The following PALLD variants were observed in gnomAD, a reference collection of about 807,000 sequenced individuals.
PALLD encodes the protein palladin, cytoskeletal associated protein.
PALLD carries 61 observed loss-of-function variants against 123.5 expected under a neutral mutation model. The observed-to-expected ratio is 0.49, with a 90% CI of 0.40 to 0.61. PALLD has a LOEUF of 0.61. Ranked by LOEUF, PALLD falls within the 20% of genes least tolerant of loss-of-function variation. The pLI, the probability that PALLD is intolerant of heterozygous loss-of-function variation, is 0.00. For missense variants in PALLD, 1,273 were observed against 1,377.0 expected (o/e 0.92, Z 1.20); for synonymous variants, 465 against 496.4 (o/e 0.94, Z 0.84).
At chr4:168,712,717 A>G (rs1005105811) in intron 10 of PALLD, among the ~76,000 whole-genome samples, 5 of 152,148 alleles carry the variant, frequency 3.3e-5, no homozygotes, top group African/African-American at 1.2e-4. Flanking sequence ...GTCATAGTGA[A>G]TGTGTATGTA....
intron 2 of PALLD, among the ~76,000 whole-genome samples, chr4:168,605,065 G>A (rs1340621145): frequency 1.3e-5 from 2 of 152,050 alleles, no homozygotes; most frequent in Non-Finnish European, 2.9e-5. Flanking sequence ...AATATAAACT[G>A]CCCCTCTGGT....
Position 168,898,656 on chromosome 4 carries a change from T to A in PALLD, c.2414T>A (p.Ile805Asn). 1 of 1,614,154 alleles carries A rather than the reference T, an allele frequency of 6.2e-7. No homozygotes were observed. The highest frequency in any genetic ancestry group is 8.5e-7 in the Non-Finnish European group (1 of 1,180,020). Residue 805 changes from isoleucine (I) to asparagine (N), a missense_variant, in exon 14 of 22, where the codon ATC becomes AAC. By Grantham distance (149) the Ile-to-Asn change is moderately radical. Coordinates refer to ENST00000505667, the MANE Select transcript of PALLD (RefSeq NM_001166108.2). ...GAGATGAAGCTGAAACATTACAAGA[T>A]CTTTGAGGGAATGCCAGTAACTTTC... ...FFEMKLKHYK[I>N]FEGMPVTFTC...
chr4:168,670,821 C>T (rs1780190388), intron 3 of PALLD, among the ~76,000 whole-genome samples: 1 of 147,516 alleles, frequency 6.8e-6, no homozygotes, highest in African/African-American at 2.5e-5. Flanking sequence ...TGCAATGGCT[C>T]ACACCTGTAA....
At chr4:168,523,173 A>C (rs1462601507) in intron 2 of PALLD, among the ~76,000 whole-genome samples, 1 of 145,788 alleles carries the variant, frequency 6.9e-6, no homozygotes, top group East Asian at 2.2e-4. Context: ...GTCTAGGGAA[A>C]TGAATTTCCA....
chr4:168,871,818 G>A (rs1751113824), intron 10 of PALLD, among the ~76,000 whole-genome samples: 1 of 152,194 alleles, frequency 6.6e-6, no homozygotes, highest in Admixed American at 6.5e-5. Flanking sequence ...CACTGGCAAA[G>A]CCTGTCCCTT....
chr4:168,536,552 A>G (rs371684754), intron 2 of PALLD: 4 of 152,368 alleles, frequency 2.6e-5, no homozygotes, highest in South Asian at 4.1e-4. Flanking sequence ...ACTTACAATT[A>G]TGGCGGAAGG....
At chr4:168,699,182 G>A (rs886675758) in intron 8 of PALLD, among the ~76,000 whole-genome samples, 5 of 152,110 alleles carry the variant, frequency 3.3e-5, no homozygotes, top group Non-Finnish European at 5.9e-5. Context: ...AGGTTCAAGT[G>A]ATTCTCCTGC....
At chr4:168,833,436 T>C (rs1744628363) in intron 10 of PALLD, among the ~76,000 whole-genome samples, 1 of 152,110 alleles carries the variant, frequency 6.6e-6, no homozygotes, top group South Asian at 2.1e-4. Flanking sequence ...TGACTGGCTC[T>C]ACATTTTAAT....
chr4:168,844,641 A>T lies in PALLD; in HGVS notation c.1965-46281A>T, dbSNP rs1439569167. ...ATTAGAATATATGAGGTGGAAAAAA[A>T]AGTTGTGCAACAGGAGATTGGACTC... On this transcript the variant is annotated intron_variant, in intron 10 of 21. Transcript: ENST00000505667. This position sits in a 1 kb window ranked among gnomAD's most constrained non-coding sequence, Gnocchi z 4.5. The T allele has an allele frequency of 1.3e-5, 2 of 152,218 alleles. No homozygotes were observed. The highest frequency in any genetic ancestry group is 2.9e-5 in the Non-Finnish European group (2 of 68,036). The allele number at this position is 152,218 out of a possible 1,614,324, so 9.4% of individuals were successfully genotyped here. A position where few individuals can be genotyped will look rare whatever the true frequency, so the allele number is the denominator to read the frequency against.
At chr4:168,894,855 T>C in intron 12 of PALLD, 178 bp downstream of exon 12, 2 of 941,496 alleles carry the variant, frequency 2.1e-6, no homozygotes, top group Non-Finnish European at 3.1e-6. Context: ...CATACTATGT[T>C]AAGTGACTGA....
intron 10 of PALLD, chr4:168,878,104 G>A: frequency 6.9e-7 from 1 of 1,446,720 alleles, no homozygotes; most frequent in South Asian, 1.4e-5. Context: ...CCTTCGCGCA[G>A]CCCTTCGGCG....
chr4:168,897,814 A>C (rs1048584013), intron 13 of PALLD, among the ~76,000 whole-genome samples: 2 of 151,068 alleles, frequency 1.3e-5, no homozygotes, highest in African/African-American at 4.9e-5. Context: ...AGGAATGTTG[A>C]TGGGTTGTTT....
intron 2 of PALLD, among the ~76,000 whole-genome samples, chr4:168,601,732 C>T (rs1184973013): frequency 6.6e-6 from 1 of 152,140 alleles, no homozygotes; most frequent in Non-Finnish European, 1.5e-5. Flanking sequence ...TCAGCAATTG[C>T]ACAGCTTGAT....
chr4:168,878,346 C>G lies in PALLD; in HGVS notation c.1965-12576C>G, dbSNP rs1028296583. The G allele has an allele frequency of 2.0e-6, 3 of 1,519,752 alleles. No homozygotes were observed. The highest frequency in any genetic ancestry group is 2.6e-6 in the Non-Finnish European group (3 of 1,140,360). The allele number at this position is 1,519,752 out of a possible 1,614,324, so 94.1% of individuals were successfully genotyped here. A position where few individuals can be genotyped will look rare whatever the true frequency, so the allele number is the denominator to read the frequency against. On this transcript the variant is annotated intron_variant, in intron 10 of 21. Transcript: ENST00000505667. ...AGCGCTCTGCTGCCCTCGCAGCCGC[C>G]GCCGGCGGCCGTCAACGCCCTGGGG...
chr4:168,774,634 A>G (rs1051224472), intron 10 of PALLD, among the ~76,000 whole-genome samples: 4 of 147,172 alleles, frequency 2.7e-5, no homozygotes, highest in Non-Finnish European at 5.9e-5. Flanking sequence ...GCACTAAGGC[A>G]TGAGAATTGC....
chr4:168,525,867 T>C (rs1388008382), intron 2 of PALLD, among the ~76,000 whole-genome samples: 1 of 152,244 alleles, frequency 6.6e-6, no homozygotes, highest in Non-Finnish European at 1.5e-5. Context: ...GTTTCTATCC[T>C]ATTACAAATC....
chr4:168,551,621 T>G (rs1766733785), intron 2 of PALLD, among the ~76,000 whole-genome samples: 1 of 152,108 alleles, frequency 6.6e-6, no homozygotes, highest in Non-Finnish European at 1.5e-5. Context: ...CAAAGGCCCT[T>G]GACAATAGTT....
At chr4:168,706,750 A>G (rs61380794) in intron 8 of PALLD, among the ~76,000 whole-genome samples, 12,649 of 152,236 alleles carry the variant, frequency 0.083, 562 homozygotes, top group Middle Eastern at 0.13. Context: ...ACTTGGTAAT[A>G]CAAAAAAATA....
chr4:168,503,410 G>A (rs1355586204), intron 1 of PALLD, among the ~76,000 whole-genome samples: 1 of 152,182 alleles, frequency 6.6e-6, no homozygotes, highest in Non-Finnish European at 1.5e-5. Context: ...AGCACTTTGG[G>A]AGGCCAAGGC....
Sources: allele counts gnomAD v4.1 joint callset (sites outside exome capture counted in the v4.1 genomes callset), GRCh38; gene constraint gnomAD v4.1.1; non-coding constraint Gnocchi (gnomAD v3.1); transcripts MANE v1.5; gene names NCBI Gene and HGNC (gene_info 2026-07-23, HGNC 2026-07-21).